The following LINGO2 variants were observed in gnomAD, a reference collection of about 807,000 sequenced individuals.
The protein encoded by LINGO2 is leucine-rich repeat and immunoglobulin-like domain-containing nogo receptor-interacting protein 2.
In LINGO2, 14 loss-of-function variants were observed where a neutral mutation model predicts 30.6. The ratio of observed to expected loss-of-function variants is 0.46; its 90% CI spans 0.30 to 0.72. LINGO2 has a LOEUF of 0.72. LINGO2 is among the 30% of genes least tolerant of loss of function. The pLI, the probability that LINGO2 is intolerant of heterozygous loss-of-function variation, is 0.07. For missense variants in LINGO2, 729 were observed against 751.7 expected, an observed-to-expected ratio of 0.97 and a Z score of 0.35; for synonymous variants, 317 against 288.5, an observed-to-expected ratio of 1.10 and a Z score of -1.00.
the LINGO2 span, among the ~76,000 whole-genome samples, chr9:28,702,654 T>C: frequency 6.6e-6 from 1 of 151,914 alleles, no homozygotes; most frequent in African/African-American, 2.4e-5. Flanking sequence ...TGTCATAGAA[T>C]GAGTTAGAAA....
chr9:28,037,760 T>TCA (rs200684337), intron 4 of LINGO2, among the ~76,000 whole-genome samples: 1 of 152,224 alleles, frequency 6.6e-6, no homozygotes, highest in Non-Finnish European at 1.5e-5. Flanking sequence ...CAAATATGGA[T>TCA]CACAAATGTG....
intron 2 of LINGO2, among the ~76,000 whole-genome samples, chr9:28,397,546 T>G (rs1822100567): frequency 7.1e-6 from 1 of 140,748 alleles, no homozygotes; most frequent in Non-Finnish European, 1.5e-5. Flanking sequence ...TAGATGTCTT[T>G]TTTTTTTTTT....
intron 3 of LINGO2, among the ~76,000 whole-genome samples, chr9:28,342,250 T>C (rs1825791953): frequency 6.6e-6 from 1 of 152,188 alleles, no homozygotes; most frequent in Admixed American, 6.6e-5. Context: ...TTCTAATCTA[T>C]GTTGTTACTT....
At chr9:28,964,049 A>G in the LINGO2 span, among the ~76,000 whole-genome samples, 28 of 151,994 alleles carry the variant, frequency 1.8e-4, no homozygotes, top group African/African-American at 6.7e-4. Context: ...TGCAAATGAT[A>G]TGTGTGCATA....
chr9:28,690,741 T>G, the LINGO2 span, among the ~76,000 whole-genome samples: 1 of 152,154 alleles, frequency 6.6e-6, no homozygotes, highest in Non-Finnish European at 1.5e-5. Context: ...TTTAATCTAT[T>G]GTTTCTTCCC....
chr9:28,306,779 C>G (rs1824378612), intron 3 of LINGO2, among the ~76,000 whole-genome samples: 1 of 152,056 alleles, frequency 6.6e-6, no homozygotes, highest in Admixed American at 6.6e-5. Context: ...TACAAACTAC[C>G]ATCAGAGAAT....
chr9:28,570,679 T>G (rs1020126419), intron 1 of LINGO2, among the ~76,000 whole-genome samples: 4 of 151,896 alleles, frequency 2.6e-5, no homozygotes, highest in African/African-American at 9.7e-5. Context: ...GGGAATTCTC[T>G]GCCTTGCACA....
chr9:28,499,507 T>G (rs975699367), intron 1 of LINGO2, among the ~76,000 whole-genome samples: 4 of 152,158 alleles, frequency 2.6e-5, no homozygotes, highest in Non-Finnish European at 5.9e-5. Context: ...CAATTTTAAT[T>G]TAGACATATA....
At chr9:28,983,557 T>G in the LINGO2 span, among the ~76,000 whole-genome samples, 1 of 151,914 alleles carries the variant, frequency 6.6e-6, no homozygotes, top group African/African-American at 2.4e-5. Context: ...TTCAATAACT[T>G]GAAAGTACTA....
chr9:29,112,699 C>A, the LINGO2 span, among the ~76,000 whole-genome samples: 1 of 152,176 alleles, frequency 6.6e-6, no homozygotes, highest in East Asian at 1.9e-4. Flanking sequence ...AATTAATAAT[C>A]CCCATCTCCA....
intron 4 of LINGO2, among the ~76,000 whole-genome samples, chr9:28,206,500 A>G (rs1226806976): frequency 6.6e-6 from 1 of 152,198 alleles, no homozygotes; most frequent in African/African-American, 2.4e-5. Context: ...AATGACTCAC[A>G]GGGAAGCTAA....
chr9:28,669,508 AC>A (rs1377488393), intron 1 of LINGO2, among the ~76,000 whole-genome samples: 13 of 152,112 alleles, frequency 8.5e-5, no homozygotes, highest in Non-Finnish European at 1.5e-4. Context: ...AAAAGAAAAC[AC>A]AGTTGTAAAT....
the LINGO2 span, among the ~76,000 whole-genome samples, chr9:29,116,055 A>G: frequency 6.6e-6 from 1 of 152,032 alleles, no homozygotes; most frequent in Non-Finnish European, 1.5e-5. Flanking sequence ...AAAAAAATAG[A>G]AAAATTTGAG....
intron 1 of LINGO2, among the ~76,000 whole-genome samples, chr9:28,594,623 A>C (rs991833918): frequency 6.6e-6 from 1 of 152,092 alleles, no homozygotes; most frequent in Non-Finnish European, 1.5e-5. Flanking sequence ...AGCGTATATA[A>C]GGCGCACTAT....
chr9:28,007,489 A>T (rs1417724706), intron 5 of LINGO2, among the ~76,000 whole-genome samples: 1 of 152,186 alleles, frequency 6.6e-6, no homozygotes, highest in Non-Finnish European at 1.5e-5. Context: ...CCTTTTAATT[A>T]TATTTTATCC....
the LINGO2 span, among the ~76,000 whole-genome samples, chr9:28,851,133 T>C: frequency 1.6e-4 from 25 of 152,124 alleles, no homozygotes; most frequent in African/African-American, 5.8e-4. Context: ...GGTGAATTAG[T>C]TTCCTATTAC....
chr9:28,817,132 T>A, the LINGO2 span, among the ~76,000 whole-genome samples: 2 of 151,902 alleles, frequency 1.3e-5, no homozygotes, highest in Non-Finnish European at 2.9e-5. Flanking sequence ...CCCATATGCA[T>A]CAAAGAAATG....
the LINGO2 span, among the ~76,000 whole-genome samples, chr9:29,188,574 C>T: frequency 6.6e-6 from 1 of 152,190 alleles, no homozygotes; most frequent in Non-Finnish European, 1.5e-5. Flanking sequence ...GGCCCGTTCT[C>T]AATGAGCTGT....
chr9:29,065,533 C>T, the LINGO2 span, among the ~76,000 whole-genome samples: 1 of 152,076 alleles, frequency 6.6e-6, no homozygotes, highest in Non-Finnish European at 1.5e-5. Flanking sequence ...ATATGCTTTC[C>T]CCCATTGCTT....
Sources: gnomAD v4.1 joint callset for allele counts (sites outside exome capture counted in the v4.1 genomes callset) on GRCh38, gnomAD v4.1.1 for gene constraint, MANE v1.5 for transcripts, NCBI Gene and HGNC (gene_info 2026-07-23, HGNC 2026-07-21) for gene names.